Variants in MRPS28 observed in about 807,000 individuals in gnomAD.
MRPS28 encodes the protein small ribosomal subunit protein bS1m.
Under a neutral mutation model 10.8 loss-of-function variants are expected in MRPS28, and 7 were observed. The observed-to-expected ratio is 0.65, with a 90% CI of 0.37 to 1.22. The LOEUF is 1.22. Ranked by LOEUF, MRPS28 falls within the 50% of genes most tolerant of loss-of-function variation. The pLI is 0.02. For missense variants in MRPS28, 265 were observed against 232.9 expected (o/e 1.14, Z -0.90); for synonymous variants, 121 against 93.3 (o/e 1.30, Z -1.71).
chr8:80,003,571 G>C (rs1226884771), intron 1 of MRPS28, among the ~76,000 whole-genome samples: 1 of 152,206 alleles, frequency 6.6e-6, no homozygotes, highest in Non-Finnish European at 1.5e-5. Context: ...CAGCGTGAGT[G>C]ACCCAGAAGA....
intron 2 of MRPS28, among the ~76,000 whole-genome samples, chr8:79,984,845 A>T (rs898970163): frequency 7.9e-5 from 12 of 152,150 alleles, no homozygotes; most frequent in African/African-American, 1.9e-4. Context: ...AACACCCCAC[A>T]GTCAACATTA....
rs147989657 is a variant in MRPS28 at position 79,993,564 on chromosome 8, G to C, written c.395+9435C>G. On this transcript the variant is annotated intron_variant, in intron 2 of 2. Coordinates refer to ENST00000276585, the MANE Select transcript of MRPS28 (RefSeq NM_014018.3). ...TTTCATGAACTTGGAACATCTCTAA[G>C]ATCATACTTTATAATTTGATCATAT... is the stretch of plus-strand genomic sequence containing the variant. Among the ~76,000 whole-genome samples, 111 of 152,204 alleles carry C rather than the reference G, an allele frequency of 7.3e-4. No individual in the cohort carries two copies. In the East Asian group the frequency reaches 0.02, roughly 28 times the overall value.
intron 1 of MRPS28, chr8:80,028,664 C>CGGGGGGGGGGGGG (rs1278468176): frequency 2.7e-3 from 19 of 7,066 alleles, no homozygotes; most frequent in Admixed American, 5.1e-3. Flanking sequence ...GGGGCGGGGC[C>CGGGGGGGGGGGGG]GGGCGGGGTC....
At chr8:79,947,632 T>G (rs985029284) in intron 2 of MRPS28, among the ~76,000 whole-genome samples, 2 of 140,842 alleles carry the variant, frequency 1.4e-5, no homozygotes, top group Non-Finnish European at 3.1e-5. Flanking sequence ...ATATTAAGTT[T>G]TTTTTTTTTT....
chr8:80,021,069 C>T (rs1259526994), intron 1 of MRPS28, among the ~76,000 whole-genome samples: 1 of 150,570 alleles, frequency 6.6e-6, no homozygotes, highest in Non-Finnish European at 1.5e-5. Flanking sequence ...GTGGCACAAT[C>T]TCGACTCACT....
At chr8:79,974,015 G>A (rs1807713111) in intron 2 of MRPS28, among the ~76,000 whole-genome samples, 1 of 152,008 alleles carries the variant, frequency 6.6e-6, no homozygotes, top group African/African-American at 2.4e-5. Flanking sequence ...AAAGTGTTGG[G>A]ATTACAGGCA....
intron 1 of MRPS28, among the ~76,000 whole-genome samples, chr8:80,012,594 C>T (rs191713633): frequency 3.0e-4 from 45 of 152,298 alleles, no homozygotes; most frequent in African/African-American, 9.4e-4. Flanking sequence ...ATAAAGCTCA[C>T]TAACTGAGCT....
At position 80,029,761 on chromosome 8, in the gene MRPS28, C is replaced by G. The variant is rs1183708639; in HGVS notation, c.213+275G>C. ...CCCAGCAGCGCTCCCCGCTGGTTAC[C>G]TTCCCACCAGCATTCAATCCCAGGA... On this transcript the variant is annotated intron_variant, in intron 1 of 2. Transcript: ENST00000276585. The G allele has an allele frequency of 4.0e-6, 6 of 1,489,024 alleles. No individual in the cohort carries two copies. The East Asian group carries it at 1.6e-4, about 41-fold the overall frequency. 92.2% of individuals were successfully genotyped at this position (1,489,024 alleles called of 1,614,324 possible).
At chr8:79,980,358 T>A (rs1168190321) in intron 2 of MRPS28, among the ~76,000 whole-genome samples, 3 of 152,224 alleles carry the variant, frequency 2.0e-5, no homozygotes, top group African/African-American at 7.2e-5. Context: ...GAAAAGTGAC[T>A]GAGTACAATT....
rs139833478 is a variant in MRPS28 at position 80,028,098 on chromosome 8, T to C, written c.213+1938A>G. ...TAAAACACCTTGGTTGTTTCCTTCA[T>C]TAAATAAACAGTACATTTTTAGTTT... is the stretch of plus-strand genomic sequence containing the variant. On this transcript the variant is annotated intron_variant, in intron 1 of 2. Transcript: ENST00000276585. 7.1e-4 allele frequency among the ~76,000 whole-genome samples: 108 copies of C among 152,322 alleles called. 1 individual carries two copies. Among genetic ancestry groups the C allele is most frequent in the African/African-American group, 2.4e-3 (101 of 41,564 alleles).
chr8:79,994,568 ATG>A (rs1808451609), intron 2 of MRPS28, among the ~76,000 whole-genome samples: 1 of 151,948 alleles, frequency 6.6e-6, no homozygotes, highest in Non-Finnish European at 1.5e-5. Flanking sequence ...AAACTGCTAA[ATG>A]TGTCTCCTTT....
At chr8:79,990,035 C>T (rs1040606753) in intron 2 of MRPS28, among the ~76,000 whole-genome samples, 7 of 152,148 alleles carry the variant, frequency 4.6e-5, no homozygotes, top group African/African-American at 1.7e-4. Flanking sequence ...GTGGCAGACG[C>T]CTGTAGTCCC....
intron 2 of MRPS28, among the ~76,000 whole-genome samples, chr8:79,919,845 C>T (rs933683874): frequency 1.1e-4 from 17 of 152,096 alleles, no homozygotes; most frequent in Non-Finnish European, 2.4e-4. Context: ...ATGTGCACAA[C>T]GTGCAGGTTT....
At chr8:79,993,131 C>G (rs1244156698) in intron 2 of MRPS28, among the ~76,000 whole-genome samples, 1 of 152,168 alleles carries the variant, frequency 6.6e-6, no homozygotes, top group East Asian at 1.9e-4. Flanking sequence ...ACTTGTAGGT[C>G]ACTAGAACTA....
intron 2 of MRPS28, among the ~76,000 whole-genome samples, chr8:79,996,280 T>C (rs1229495872): frequency 6.6e-6 from 1 of 152,210 alleles, no homozygotes; most frequent in Non-Finnish European, 1.5e-5. Flanking sequence ...CTAGAGGTCT[T>C]ACCACAATTA....
chr8:79,918,871 C>A lies in MRPS28; in HGVS notation c.*109G>T. The stretch of plus-strand genomic sequence containing the variant: ...TAATAAGAGTTATCTATAATTATAG[C>A]TTTTATTTATTATATCTTCATTCAA... On this transcript the variant is annotated 3_prime_UTR_variant, in exon 3 of 3. Coordinates refer to ENST00000276585, the MANE Select transcript of MRPS28 (RefSeq NM_014018.3). 3 of 864,672 alleles carry A rather than the reference C, an allele frequency of 3.5e-6. No individual in the cohort carries two copies. The highest frequency in any genetic ancestry group is 7.0e-5 in the South Asian group (2 of 28,432). The allele number at this position is 864,672 out of a possible 1,614,324, so 53.6% of individuals were successfully genotyped here.
intron 2 of MRPS28, among the ~76,000 whole-genome samples, chr8:79,963,975 C>G (rs1436393202): frequency 6.6e-6 from 1 of 152,034 alleles, no homozygotes; most frequent in Non-Finnish European, 1.5e-5. Context: ...AGAAAAGTCA[C>G]CATTAGTTTG....
chr8:79,939,919 G>A (rs967372386), intron 2 of MRPS28, among the ~76,000 whole-genome samples: 1 of 151,060 alleles, frequency 6.6e-6, no homozygotes, highest in Non-Finnish European at 1.5e-5. Context: ...GCAGTGAGCG[G>A]AGATCACGCC....
intron 2 of MRPS28, among the ~76,000 whole-genome samples, chr8:79,965,349 T>C (rs1178923550): frequency 1.3e-5 from 2 of 152,084 alleles, no homozygotes; most frequent in African/African-American, 4.8e-5. Flanking sequence ...TATAACACTA[T>C]ACTGTCTCAT....
Sources: gnomAD v4.1 joint callset for allele counts (sites outside exome capture counted in the v4.1 genomes callset) on GRCh38, gnomAD v4.1.1 for gene constraint, MANE v1.5 for transcripts, NCBI Gene and HGNC (gene_info 2026-07-23, HGNC 2026-07-21) for gene names.